Variants in COL14A1 observed in about 807,000 individuals in gnomAD.
The protein encoded by COL14A1 is collagen alpha-1(XIV) chain.
In COL14A1, 136 loss-of-function variants were observed where a neutral mutation model predicts 230.3. The observed-to-expected ratio is 0.59, with a 90% confidence interval of 0.51 to 0.68. COL14A1 has a LOEUF of 0.68. Ranked by LOEUF, COL14A1 falls within the 30% of genes least tolerant of loss-of-function variation. The pLI is 0.00. For missense variants in COL14A1, 1,976 were observed against 2,215.8 expected (o/e 0.89, Z 2.17); for synonymous variants, 792 against 784.1 (o/e 1.01, Z -0.17).
Position 120,345,384 on chromosome 8 carries a change from C to G in COL14A1, c.4898C>G (p.Ala1633Gly). 4 of 1,588,164 alleles carry G rather than the reference C, an allele frequency of 2.5e-6. No individual in the cohort carries two copies. The highest frequency in any genetic ancestry group is 3.4e-6 in the Non-Finnish European group (4 of 1,169,766). Reference protein sequence around the residue: ...VCEQLIQSHMARYTAILNQIP... With the variant: ...VCEQLIQSHMGRYTAILNQIP... ...ATGCTTCATACCTCAGGTCACATGG[C>G]CAGGTACACTGCCATCCTCAACCAG... is the stretch of plus-strand genomic sequence containing the variant. Residue 1633 changes from alanine (A) to glycine (G), a missense_variant, in exon 45 of 48, where the codon GCC becomes GGC. Ala to Gly is a moderately conservative substitution (Grantham distance 60). This residue lies in a region of COL14A1 where 1,791 missense variants were observed against 2,019.5 expected (regional missense o/e 0.89). Coordinates refer to ENST00000297848, the MANE Select transcript of COL14A1 (RefSeq NM_021110.4).
chr8:120,184,210 G>T (rs1422714398), intron 5 of COL14A1, among the ~76,000 whole-genome samples: 5 of 144,508 alleles, frequency 3.5e-5, no homozygotes, highest in African/African-American at 1.4e-4. Flanking sequence ...TGGTGTGTGT[G>T]TGGGGGGGGA....
intron 1 of COL14A1, among the ~76,000 whole-genome samples, chr8:120,133,170 C>T (rs542612362): frequency 1.1e-3 from 172 of 150,650 alleles, no homozygotes; most frequent in Non-Finnish European, 2.0e-3. Flanking sequence ...GAGTTGAGAT[C>T]GCGCCACTGC....
chr8:120,320,541 C>G (rs75910798), intron 40 of COL14A1, among the ~76,000 whole-genome samples: 2,367 of 152,216 alleles, frequency 0.016, 60 homozygotes, highest in African/African-American at 0.055. Flanking sequence ...GAACTTGAGT[C>G]AACTATCTGG....
At chr8:120,257,120 A>G (rs569868998) in intron 23 of COL14A1, among the ~76,000 whole-genome samples, 4 of 152,324 alleles carry the variant, frequency 2.6e-5, no homozygotes, top group African/African-American at 4.8e-5. Flanking sequence ...TAAAACCACA[A>G]TAAGCTCTTT....
intron 11 of COL14A1, among the ~76,000 whole-genome samples, chr8:120,209,440 G>T (rs1817552260): frequency 6.6e-6 from 1 of 152,122 alleles, no homozygotes; most frequent in Non-Finnish European, 1.5e-5. Flanking sequence ...CATGCAAACA[G>T]ATTAGTGCAA....
At position 120,228,754 on chromosome 8, in the gene COL14A1, A is replaced by G; in HGVS notation, c.2182A>G (p.Thr728Ala). 6.2e-7 allele frequency: 1 copy of G among 1,613,868 alleles called. No homozygotes were observed. The highest frequency in any genetic ancestry group is 8.5e-7 in the Non-Finnish European group (1 of 1,179,810). The change falls in exon 18 of 48, where the codon ACA becomes GCA. Residue 728 changes from threonine (T) to alanine (A), a missense_variant. By Grantham distance (58) the Thr-to-Ala change is moderately conservative. Coordinates refer to ENST00000297848, the MANE Select transcript of COL14A1 (RefSeq NM_021110.4). ...TEPATTIVPT[T>A]SVTSVFQTGI... Reference sequence around the variant, plus strand: ...ACCAGCTACAACCATAGTGCCTACCACATCTGTGACTTCAGGTAAGGTCAA... The same window carrying G: ...ACCAGCTACAACCATAGTGCCTACCGCATCTGTGACTTCAGGTAAGGTCAA...
In COL14A1 at chr8:120,345,281, A is replaced by G. The variant is rs1197544908; in HGVS notation, c.4889-94A>G. On this transcript the variant is annotated intron_variant, in intron 44 of 47. Coordinates refer to ENST00000297848, the MANE Select transcript of COL14A1 (RefSeq NM_021110.4). ...ATTTTTCCCTTGGTGGGTATCTAAC[A>G]GAATTGTTTGCAGCCTTAACAAATG... 3 of 1,149,244 alleles carry G rather than the reference A, an allele frequency of 2.6e-6. No homozygotes were observed. In the African/African-American group the frequency reaches 4.9e-5, roughly 19 times the overall value. The allele number at this position is 1,149,244 out of a possible 1,614,324, so 71.2% of individuals were successfully genotyped here. A position where few individuals can be genotyped will look rare whatever the true frequency, so the allele number is the denominator to read the frequency against.
At chr8:120,137,639 CA>C (rs1265365043) in intron 1 of COL14A1, among the ~76,000 whole-genome samples, 2 of 152,206 alleles carry the variant, frequency 1.3e-5, no homozygotes, top group Non-Finnish European at 2.9e-5. Context: ...CAAATTTTCA[CA>C]AATTGTACCT....
chr8:120,231,728 GC>G, intron 19 of COL14A1, 110 bp downstream of exon 19: 1 of 1,128,098 alleles, frequency 8.9e-7, no homozygotes, highest in Non-Finnish European at 1.2e-6. Context: ...CAGTGACTCT[GC>G]CATCTCCAGA....
intron 13 of COL14A1, among the ~76,000 whole-genome samples, chr8:120,215,907 C>T (rs900486258): frequency 3.2e-4 from 48 of 152,066 alleles, no homozygotes; most frequent in African/African-American, 1.1e-3. Context: ...TAATAGATAC[C>T]AACGTGGAAA....
intron 40 of COL14A1, among the ~76,000 whole-genome samples, chr8:120,328,885 C>T (rs16893921): frequency 0.014 from 2,084 of 152,224 alleles, 52 homozygotes; most frequent in African/African-American, 0.047. Context: ...TGGACACAGC[C>T]GAGCAGAGAC....
intron 5 of COL14A1, among the ~76,000 whole-genome samples, chr8:120,187,648 AT>A (rs1816690109): frequency 1.3e-5 from 2 of 152,234 alleles, no homozygotes; most frequent in South Asian, 4.1e-4. Flanking sequence ...GTGTAAAATT[AT>A]TGGAAGAAGG....
At chr8:120,207,152 T>C (rs1817463091) in intron 10 of COL14A1, 58 bp downstream of exon 10, 4 of 1,402,030 alleles carry the variant, frequency 2.9e-6, no homozygotes, top group Non-Finnish European at 1.9e-6. Context: ...TCTTCTACAA[T>C]AGTGAGAACA....
intron 3 of COL14A1, among the ~76,000 whole-genome samples, chr8:120,160,350 T>C (rs1468273490): frequency 6.6e-6 from 1 of 152,228 alleles, no homozygotes; most frequent in East Asian, 1.9e-4. Context: ...CTTCAAGTGA[T>C]TGGTAGCTTA....
At chr8:120,302,025 G>A (rs1820728615) in intron 36 of COL14A1, among the ~76,000 whole-genome samples, 2 of 151,734 alleles carry the variant, frequency 1.3e-5, no homozygotes, top group African/African-American at 4.8e-5. Flanking sequence ...GTCTGTTTAT[G>A]TCCTTCTTTT....
At chr8:120,136,605 A>G (rs1359913125) in intron 1 of COL14A1, among the ~76,000 whole-genome samples, 3 of 152,122 alleles carry the variant, frequency 2.0e-5, no homozygotes, top group Non-Finnish European at 4.4e-5. Context: ...AGATTTTTAT[A>G]TCTATGTTCA....
rs1310494889 is a variant in COL14A1 at position 120,332,152 on chromosome 8, A to T, written c.4671A>T (p.Gly1557=). The T allele has an allele frequency of 6.2e-7, 1 of 1,614,132 alleles. No homozygotes were observed. Among genetic ancestry groups the T allele is most frequent in the East Asian group, 2.2e-5 (1 of 44,880 alleles). ...DGSPGQRGLP[G]KDGSSGPPGP... ...TTTCTTTTCGCCAGGGCCTTCCGGG[A>T]AAGGATGGATCCTCGGGACCTCCAG... Residue 1557 remains glycine (G), a synonymous_variant, in exon 41 of 48, where the codon GGA becomes GGT. Coordinates refer to ENST00000297848, the MANE Select transcript of COL14A1 (RefSeq NM_021110.4).
rs927934788 is a variant in COL14A1 at position 120,289,697 on chromosome 8, C to A, written c.4167C>A (p.Ile1389=). The A allele has an allele frequency of 6.2e-7, 1 of 1,613,936 alleles. No individual in the cohort carries two copies. Among genetic ancestry groups the A allele is most frequent in the African/African-American group, 1.3e-5 (1 of 74,932 alleles). Residue 1389 remains isoleucine, a synonymous_variant, in exon 34 of 48, where the codon ATC becomes ATA. Coordinates refer to ENST00000297848, the MANE Select transcript of COL14A1 (RefSeq NM_021110.4). ...AGGCAATGAACGCATCAGCTAATATCACGTCAGATGGTGTAGAAGTGCTAG... is the reference window on the plus strand; with the variant it reads ...AGGCAATGAACGCATCAGCTAATATAACGTCAGATGGTGTAGAAGTGCTAG... ...GEKAMNASAN[I]TSDGVEVLGK...
chr8:120,241,281 A>ACAC (rs1818599936), intron 19 of COL14A1, among the ~76,000 whole-genome samples: 1 of 152,200 alleles, frequency 6.6e-6, no homozygotes, highest in Non-Finnish European at 1.5e-5. Context: ...AATTAAAATG[A>ACAC]CACCACCACC....
Sources: gnomAD v4.1 joint callset for allele counts (sites outside exome capture counted in the v4.1 genomes callset) on GRCh38, gnomAD v4.1.1 for gene constraint, gnomAD v4.1.1 regional missense constraint, MANE v1.5 for transcripts, NCBI Gene and HGNC (gene_info 2026-07-23, HGNC 2026-07-21) for gene names.